The following ZNF804B variants were observed in gnomAD, a reference collection of about 807,000 sequenced individuals.
ZNF804B encodes zinc finger protein 804B, also known as zinc finger 804B.
A neutral mutation model predicts 101.4 loss-of-function variants in ZNF804B; 80 were observed. That is an observed-to-expected ratio of 0.79 (90% CI 0.66 to 0.95). ZNF804B has a LOEUF of 0.95. ZNF804B is among the 40% of genes least tolerant of loss of function. The probability of loss-of-function intolerance (pLI) is 0.00; values close to 1 mark genes in which losing one functional copy is unlikely to be tolerated. For synonymous variants in ZNF804B, 622 were observed against 558.8 expected (o/e 1.11, Z -1.59); for missense variants, 1,673 against 1,561.9 (o/e 1.07, Z -1.20).
chr7:89,330,193 G>T (rs1790957893), intron 3 of ZNF804B, among the ~76,000 whole-genome samples: 1 of 151,700 alleles, frequency 6.6e-6, no homozygotes, highest in Non-Finnish European at 1.5e-5. Flanking sequence ...AAGTTTCATT[G>T]AGAATGCAAC....
chr7:89,307,789 T>C (rs763508973), intron 2 of ZNF804B, among the ~76,000 whole-genome samples: 7 of 151,896 alleles, frequency 4.6e-5, no homozygotes, highest in Non-Finnish European at 8.8e-5. Flanking sequence ...GTTCAGAAAA[T>C]GAGAAATTTA....
chr7:88,946,112 A>G (rs931953369), intron 1 of ZNF804B, among the ~76,000 whole-genome samples: 5 of 152,084 alleles, frequency 3.3e-5, no homozygotes, highest in African/African-American at 1.2e-4. Flanking sequence ...CCTGGCTAGA[A>G]CTTCCAATGC....
At chr7:89,175,046 C>A (rs1791297994) in intron 1 of ZNF804B, among the ~76,000 whole-genome samples, 1 of 151,818 alleles carries the variant, frequency 6.6e-6, no homozygotes, top group African/African-American at 2.4e-5. Flanking sequence ...TGCATTGTTT[C>A]TTCACTTTGT....
chr7:88,903,711 G>A (rs1401292063), intron 1 of ZNF804B, among the ~76,000 whole-genome samples: 2 of 152,088 alleles, frequency 1.3e-5, no homozygotes, highest in Admixed American at 6.6e-5. Context: ...GATTAGTGAC[G>A]ATGACAATTT....
At position 89,334,488 on chromosome 7, in the gene ZNF804B, T is replaced by C; in HGVS notation, c.1506T>C (p.Gly502=). 6.2e-7 allele frequency: 1 copy of C among 1,613,704 alleles called. No homozygotes were observed. The highest frequency in any genetic ancestry group is 8.5e-7 in the Non-Finnish European group (1 of 1,179,822). ...TAGAGGACTTAAAAACAGAATTGGG[T>C]AAGAAGCCCTTGGAATTGAAGACTA... ...HNLEDLKTEL[G]KKPLELKTKR... The change falls in exon 4 of 4, where the codon GGT becomes GGC. Residue 502 remains glycine (G), a synonymous_variant. Transcript: ENST00000333190.
At chr7:89,266,926 C>T (rs139834367) in intron 2 of ZNF804B, among the ~76,000 whole-genome samples, 1 of 148,882 alleles carries the variant, frequency 6.7e-6, no homozygotes, top group Non-Finnish European at 1.5e-5. Context: ...AGAAGTTAAA[C>T]TGAAATTGCA....
In ZNF804B at chr7:88,878,876, A is replaced by G. The variant is rs750218669; in HGVS notation, c.108+118792A>G. ...TTGTTGTCTACACCATCTTCTAAAT[A>G]TACTACTTAAATTCCTGTTCCCATG... On this transcript the variant is annotated intron_variant, in intron 1 of 3. Transcript: ENST00000333190. Among the ~76,000 whole-genome samples the G allele has an allele frequency of 2.4e-4, 37 of 152,292 alleles. 1 individual carries two copies. The highest frequency in any genetic ancestry group is 3.4e-3 in the Middle Eastern group (1 of 294).
chr7:88,761,650 C>T (rs190469825), intron 1 of ZNF804B, among the ~76,000 whole-genome samples: 73 of 152,256 alleles, frequency 4.8e-4, no homozygotes, highest in African/African-American at 1.6e-3. Flanking sequence ...TATTTTTCAA[C>T]GCTTTGGTAA....
rs5885668 is a variant in ZNF804B at position 89,224,755 on chromosome 7, AGT to A, written c.249+6475_249+6476del. Among the ~76,000 whole-genome samples, 34 of 143,080 alleles carry A rather than the reference AGT, an allele frequency of 2.4e-4. 1 individual carries two copies. The highest frequency in any genetic ancestry group is 1.1e-3 in the South Asian group (5 of 4,550). 93.9% of individuals were successfully genotyped at this position (143,080 alleles called of 152,430 possible). A position where few individuals can be genotyped will look rare whatever the true frequency, so the allele number is the denominator to read the frequency against. ...GTGTGTGTGTGTGTGTGTGTGTATG[AGT>A]GTGTGTGTGTGTGTATCCTGGAATC... On this transcript the variant is annotated intron_variant, in intron 2 of 3. Coordinates refer to ENST00000333190, the MANE Select transcript of ZNF804B (RefSeq NM_181646.5).
intron 1 of ZNF804B, among the ~76,000 whole-genome samples, chr7:88,953,299 A>G (rs1455176149): frequency 6.6e-6 from 1 of 151,700 alleles, no homozygotes; most frequent in African/African-American, 2.4e-5. Context: ...CAGAGATCTT[A>G]GGCTGTATTA....
intron 1 of ZNF804B, among the ~76,000 whole-genome samples, chr7:88,777,246 G>A (rs910188632): frequency 4.6e-5 from 7 of 152,176 alleles, no homozygotes; most frequent in Admixed American, 1.3e-4. Context: ...CCACTGGCCT[G>A]GTGCTGATTC....
intron 1 of ZNF804B, among the ~76,000 whole-genome samples, chr7:89,123,974 C>A (rs771912008): frequency 3.9e-5 from 6 of 152,154 alleles, no homozygotes; most frequent in African/African-American, 1.2e-4. Context: ...CAACAAAGTG[C>A]AAACTCCTCC....
In ZNF804B at chr7:89,334,612, G is replaced by C. The variant is rs1299601590; in HGVS notation, c.1630G>C (p.Asp544His). 1 of 1,613,764 alleles carries C rather than the reference G, an allele frequency of 6.2e-7. No homozygotes were observed. The highest frequency in any genetic ancestry group is 8.5e-7 in the Non-Finnish European group (1 of 1,179,838). The stretch of plus-strand genomic sequence containing the variant: ...ACCAAAGACGATGATAGCTAATCCG[G>C]ATTGGGAAAAATTCCAGAGGAAATA... ...PKPKTMIANP[D>H]WEKFQRKYNL... Residue 544 changes from aspartate (D) to histidine (H), a missense_variant, in exon 4 of 4, where the codon GAT (aspartate) becomes CAT (histidine). By Grantham distance (81) the Asp-to-His change is moderately conservative (BLOSUM62 -1). Coordinates refer to ENST00000333190, the MANE Select transcript of ZNF804B (RefSeq NM_181646.5).
chr7:89,171,760 A>T (rs573378480), intron 1 of ZNF804B, among the ~76,000 whole-genome samples: 6 of 152,136 alleles, frequency 3.9e-5, no homozygotes, highest in Admixed American at 1.3e-4. Context: ...AGATTAAGAG[A>T]CTAGGGCTTT....
At chr7:88,991,139 G>T (rs1017840093) in intron 1 of ZNF804B, among the ~76,000 whole-genome samples, 1 of 152,094 alleles carries the variant, frequency 6.6e-6, no homozygotes, top group African/African-American at 2.4e-5. Context: ...AGGTACAGAG[G>T]AAACAATTTT....
At chr7:89,275,272 A>T (rs1056174427) in intron 2 of ZNF804B, among the ~76,000 whole-genome samples, 6 of 151,900 alleles carry the variant, frequency 3.9e-5, no homozygotes, top group African/African-American at 1.2e-4. Context: ...AAATTTAGCA[A>T]TTTCCAATCA....
intron 1 of ZNF804B, among the ~76,000 whole-genome samples, chr7:89,056,326 C>G (rs1019159231): frequency 6.6e-6 from 1 of 151,954 alleles, no homozygotes. Context: ...TTGCTGAGCT[C>G]TAAGGGAAGT....
At chr7:89,048,192 T>C (rs1789142087) in intron 1 of ZNF804B, among the ~76,000 whole-genome samples, 1 of 112,268 alleles carries the variant, frequency 8.9e-6, no homozygotes, top group African/African-American at 3.8e-5. Flanking sequence ...TGAGAACATA[T>C]GATGTTCACA....
intron 1 of ZNF804B, among the ~76,000 whole-genome samples, chr7:89,054,384 A>G (rs1016244609): frequency 6.0e-5 from 9 of 150,096 alleles, no homozygotes; most frequent in Admixed American, 4.7e-4. Context: ...TTCTGGAGAG[A>G]AAAAAAACAG....
Sources: allele counts gnomAD v4.1 joint callset (sites outside exome capture counted in the v4.1 genomes callset), GRCh38; gene constraint gnomAD v4.1.1; transcripts MANE v1.5; gene names NCBI Gene and HGNC (gene_info 2026-07-23, HGNC 2026-07-21).